The following H3-3A variants were observed in gnomAD, a reference collection of about 807,000 sequenced individuals.
H3-3A encodes H3.3 histone A, also known as histone H3.3.
For synonymous variants in H3-3A, 49 were observed against 61.4 expected, an observed-to-expected ratio of 0.80 and a Z score of 0.95; for missense variants, 7 against 184.0, an observed-to-expected ratio of 0.04 and a Z score of 5.57.
intron 3 of H3-3A, among the ~76,000 whole-genome samples, chr1:226,069,728 G>A (rs1658041954): frequency 6.6e-6 from 1 of 152,202 alleles, no homozygotes; most frequent in South Asian, 2.1e-4. Flanking sequence ...CTACTCGGGA[G>A]GCTGAGGCAG....
intron 3 of H3-3A, among the ~76,000 whole-genome samples, chr1:226,070,148 CA>C (rs1196490918): frequency 6.6e-6 from 1 of 152,126 alleles, no homozygotes; most frequent in Non-Finnish European, 1.5e-5. Context: ...TGGTAGAGGA[CA>C]GGGGCATGTT....
At chr1:226,064,229 T>C in intron 1 of H3-3A, 100 bp from the exon 2 acceptor site, 1 of 785,956 alleles carries the variant, frequency 1.3e-6, no homozygotes, top group East Asian at 2.6e-5. Context: ...TTTTTTATAC[T>C]GATCATAATT....
chr1:226,067,963 T>C (rs949591000), intron 3 of H3-3A, among the ~76,000 whole-genome samples: 14 of 152,254 alleles, frequency 9.2e-5, no homozygotes, highest in African/African-American at 3.4e-4. Flanking sequence ...ATATAGTCTT[T>C]GCTTTTAATG....
chr1:226,070,115 T>C (rs907172383), intron 3 of H3-3A, among the ~76,000 whole-genome samples: 2 of 152,044 alleles, frequency 1.3e-5, no homozygotes, highest in Admixed American at 6.5e-5. Context: ...TGTTACAAAT[T>C]GGGGTACGTA....
chr1:226,071,003 G>A (rs778144315), intron 3 of H3-3A, among the ~76,000 whole-genome samples: 30 of 152,134 alleles, frequency 2.0e-4, no homozygotes, highest in Non-Finnish European at 4.0e-4. Context: ...ACATGATTGC[G>A]TTTATAAGAA....
intron 3 of H3-3A, among the ~76,000 whole-genome samples, chr1:226,070,782 G>GAA (rs1289904081): frequency 0.022 from 152 of 7,000 alleles, 3 homozygotes; most frequent in African/African-American, 0.023. Flanking sequence ...CAGAAAGAAA[G>GAA]AAAGAAATAC....
At chr1:226,069,675 T>C (rs1178974675) in intron 3 of H3-3A, among the ~76,000 whole-genome samples, 1 of 151,862 alleles carries the variant, frequency 6.6e-6, no homozygotes, top group East Asian at 1.9e-4. Context: ...CTACTAAAAA[T>C]ACAAAATTAG....
At chr1:226,071,178 CT>C (rs1409770199) in intron 3 of H3-3A, among the ~76,000 whole-genome samples, 172 bp from the exon 4 acceptor site, 3 of 152,010 alleles carry the variant, frequency 2.0e-5, no homozygotes. Flanking sequence ...TCATAAGCTG[CT>C]TTTGAGCTTT....
Position 226,064,378 on chromosome 1 carries a change from C to G in H3-3A, c.27C>G (p.Arg9=). The change falls in exon 2 of 4, where the codon CGC becomes CGG. Residue 9 remains arginine, a synonymous_variant. Transcript: ENST00000366815. MARTKQTA[R]KSTGGKAPRK... is the part of the protein sequence containing the mutation. Reference sequence around the variant, plus strand: ...TGGCTCGTACAAAGCAGACTGCCCGCAAATCGACCGGTGGTAAAGCACCCA... The same window carrying G: ...TGGCTCGTACAAAGCAGACTGCCCGGAAATCGACCGGTGGTAAAGCACCCA... 1 of 1,612,438 alleles carries G rather than the reference C, an allele frequency of 6.2e-7. No individual in the cohort carries two copies. Among genetic ancestry groups the G allele is most frequent in the Non-Finnish European group, 8.5e-7 (1 of 1,178,714 alleles).
At chr1:226,066,259 A>C (rs867903058) in intron 3 of H3-3A, 6 of 173,960 alleles carry the variant, frequency 3.4e-5, no homozygotes, top group Non-Finnish European at 7.3e-5. Flanking sequence ...TAGGATGGGA[A>C]TAGGCAGTAT....
upstream of H3-3A, chr1:226,061,875 G>A (rs1057285909): frequency 6.6e-6 from 1 of 152,310 alleles, no homozygotes; most frequent in Non-Finnish European, 1.5e-5. Flanking sequence ...CTTGCGTCGG[G>A]GGCCCGGGCC....
intron 3 of H3-3A, among the ~76,000 whole-genome samples, chr1:226,068,987 A>AG (rs1658010686): frequency 6.6e-6 from 1 of 152,174 alleles, no homozygotes; most frequent in South Asian, 2.1e-4. Context: ...ATTTGAATGA[A>AG]GGAAACTTGT....
intron 2 of H3-3A, 54 bp downstream of exon 2, chr1:226,064,533 T>C (rs1657855689): frequency 7.0e-7 from 1 of 1,435,582 alleles, no homozygotes; most frequent in African/African-American, 1.4e-5. Context: ...TGTATCCACA[T>C]AATTTAACAA....
rs551781734 is a variant in H3-3A at position 226,063,628 on chromosome 1, G to A, written c.-23-701G>A. ...GGACCCTGTGCCGAGGGACCCGAAGGAGGCAAAACCAAAAGTTTATGTGGT... is the reference window on the plus strand; with the variant it reads ...GGACCCTGTGCCGAGGGACCCGAAGAAGGCAAAACCAAAAGTTTATGTGGT... On this transcript the variant is annotated intron_variant, in intron 1 of 3. Transcript: ENST00000366815. 2.6e-4 allele frequency among the ~76,000 whole-genome samples: 39 copies of A among 152,292 alleles called. No individual in the cohort carries two copies. In the South Asian group the frequency reaches 7.9e-3, roughly 31 times the overall value.
intron 1 of H3-3A, among the ~76,000 whole-genome samples, chr1:226,063,749 C>A (rs1351977892): frequency 1.3e-5 from 2 of 152,020 alleles, no homozygotes; most frequent in East Asian, 3.8e-4. Context: ...GGACTGGACG[C>A]GAGGACGGGG....
At chr1:226,062,477 G>A (rs1657744384), upstream of H3-3A, among the ~76,000 whole-genome samples, 1 of 149,504 alleles carries the variant, frequency 6.7e-6, no homozygotes, top group Non-Finnish European at 1.5e-5. Context: ...CGGCCCCTCA[G>A]CGTGTCTTTT....
At position 226,071,305 on chromosome 1, in the gene H3-3A, A is replaced by G. The variant is rs768766138; in HGVS notation, c.283-46A>G. On this transcript the variant is annotated intron_variant, in intron 3 of 3. Transcript: ENST00000366815. The stretch of plus-strand genomic sequence containing the variant: ...TAATTCGTATAGTTGGGTCTTAACT[A>G]TTGGAAATAACATCATCAGTAATTT... 5 of 1,538,208 alleles carry G rather than the reference A, an allele frequency of 3.3e-6. No homozygotes were observed. The South Asian group carries it at 3.4e-5, about 10-fold the overall frequency.
intron 3 of H3-3A, among the ~76,000 whole-genome samples, chr1:226,070,847 T>C (rs1366589381): frequency 6.6e-6 from 1 of 152,036 alleles, no homozygotes; most frequent in Non-Finnish European, 1.5e-5. Context: ...ATAAAACAGG[T>C]ATGAAAGGGA....
intron 3 of H3-3A, chr1:226,066,248 C>CTA (rs1252116821): frequency 5.3e-6 from 1 of 187,392 alleles, no homozygotes. Context: ...AGCTTAATAC[C>CTA]TAGGATGGGA....
Sources: allele counts gnomAD v4.1 joint callset (sites outside exome capture counted in the v4.1 genomes callset), GRCh38; gene constraint gnomAD v4.1.1; transcripts MANE v1.5; gene names NCBI Gene and HGNC (gene_info 2026-07-23, HGNC 2026-07-21).